Variants in CLSTN2 observed in about 807,000 individuals in gnomAD.
CLSTN2 encodes calsyntenin 2.
Under a neutral mutation model 101.2 loss-of-function variants are expected in CLSTN2, and 48 were observed. The ratio of observed to expected loss-of-function variants is 0.47; its 90% CI spans 0.38 to 0.60. The LOEUF (loss-of-function observed/expected upper bound fraction) is 0.60. Ranked by LOEUF, CLSTN2 falls within the 20% of genes least tolerant of loss-of-function variation. CLSTN2 has a pLI of 0.00. For synonymous variants in CLSTN2, 481 were observed against 463.6 expected (o/e 1.04, Z -0.48); for missense variants, 1,160 against 1,238.2 (o/e 0.94, Z 0.95).
intron 2 of CLSTN2, among the ~76,000 whole-genome samples, chr3:140,303,748 G>T (rs900454428): frequency 3.6e-4 from 55 of 152,046 alleles, no homozygotes; most frequent in African/African-American, 1.0e-3. Context: ...TAACACAGGG[G>T]CTCTAGAGGA....
intron 1 of CLSTN2, among the ~76,000 whole-genome samples, chr3:140,173,967 G>A (rs1337633578): frequency 6.6e-6 from 1 of 152,108 alleles, no homozygotes; most frequent in African/African-American, 2.4e-5. Flanking sequence ...ATTGTCTTGG[G>A]GATTAACATT....
chr3:140,432,501 G>A (rs954597664), intron 5 of CLSTN2, among the ~76,000 whole-genome samples: 3 of 152,186 alleles, frequency 2.0e-5, no homozygotes, highest in Non-Finnish European at 4.4e-5. Context: ...GCTGCTAAGG[G>A]GATTGCTCAG....
intron 2 of CLSTN2, among the ~76,000 whole-genome samples, chr3:140,370,880 G>A (rs1437722251): frequency 6.7e-6 from 1 of 150,216 alleles, no homozygotes; most frequent in African/African-American, 2.5e-5. Flanking sequence ...CCCTAGCACC[G>A]GCCCCACCCA....
rs114806243 is a variant in CLSTN2 at position 140,289,370 on chromosome 3, G to A, written c.232+113297G>A. On this transcript the variant is annotated intron_variant, in intron 2 of 16. Coordinates refer to ENST00000458420, the MANE Select transcript of CLSTN2 (RefSeq NM_022131.3). The stretch of plus-strand genomic sequence containing the variant: ...TGTTTGTTTGTTTTTGCAGGGGGGC[G>A]GGGAGAGGAGCTGTATTCCCTGCAA... 9.4e-4 allele frequency among the ~76,000 whole-genome samples: 143 copies of A among 151,870 alleles called. 2 individuals carry two copies. Among genetic ancestry groups the A allele is most frequent in the African/African-American group, 3.1e-3 (130 of 41,440 alleles).
At chr3:140,273,302 A>G (rs914226911) in intron 2 of CLSTN2, among the ~76,000 whole-genome samples, 5 of 152,150 alleles carry the variant, frequency 3.3e-5, no homozygotes, top group Non-Finnish European at 7.3e-5. Flanking sequence ...TAGTTGCAGC[A>G]AACCACCATG....
At chr3:140,205,682 G>A (rs561478112) in intron 2 of CLSTN2, among the ~76,000 whole-genome samples, 136 of 143,246 alleles carry the variant, frequency 9.5e-4, no homozygotes, top group South Asian at 6.7e-3. Context: ...GTCTTGTATA[G>A]TTAATGAGCT....
rs182791056 is a variant in CLSTN2, at chr3:140,534,719, A to G, written c.1507+2233A>G. Among the ~76,000 whole-genome samples, 12 of 152,338 alleles carry G rather than the reference A, an allele frequency of 7.9e-5. No individual in the cohort carries two copies. In the East Asian group the frequency reaches 2.3e-3, roughly 29 times the overall value. On this transcript the variant is annotated intron_variant, in intron 9 of 16. Transcript: ENST00000458420. ...TGCCAATAATTTTTATTCATATTTT[A>G]TTGGCCAAAGCAAGTCAGAAGGCCA...
intron 1 of CLSTN2, among the ~76,000 whole-genome samples, chr3:140,170,828 C>T (rs2010199695): frequency 6.6e-6 from 1 of 152,200 alleles, no homozygotes; most frequent in African/African-American, 2.4e-5. Context: ...TAAGTGGCAT[C>T]ACCATCAGCA....
chr3:140,228,039 A>T (rs546633586), intron 2 of CLSTN2, among the ~76,000 whole-genome samples: 1 of 152,198 alleles, frequency 6.6e-6, no homozygotes, highest in East Asian at 1.9e-4. Flanking sequence ...GGGGATTAAC[A>T]TTTGTCTCCT....
chr3:139,964,571 G>C (rs148379624), intron 1 of CLSTN2, among the ~76,000 whole-genome samples: 195 of 152,212 alleles, frequency 1.3e-3, no homozygotes, highest in African/African-American at 4.4e-3. Flanking sequence ...TGGCAGGGGG[G>C]TCAAGGGGCC....
intron 1 of CLSTN2, among the ~76,000 whole-genome samples, chr3:139,993,446 C>A (rs1046206213): frequency 2.0e-5 from 3 of 152,166 alleles, no homozygotes; most frequent in Non-Finnish European, 4.4e-5. Flanking sequence ...CTGGAGTCTG[C>A]AAGGAAGAGG....
chr3:140,403,444 G>T (rs1455181858), intron 2 of CLSTN2, among the ~76,000 whole-genome samples, 185 bp from the exon 3 acceptor site: 2 of 152,192 alleles, frequency 1.3e-5, no homozygotes, highest in African/African-American at 4.8e-5. Context: ...TCTGGGTGGG[G>T]CCTGGGATTC....
intron 8 of CLSTN2, among the ~76,000 whole-genome samples, chr3:140,479,550 G>C (rs999095654): frequency 2.0e-5 from 3 of 152,018 alleles, no homozygotes; most frequent in African/African-American, 7.3e-5. Context: ...GGAATTAGAA[G>C]AAAATAACTT....
chr3:139,956,027 T>G (rs1349609154), intron 1 of CLSTN2, among the ~76,000 whole-genome samples: 1 of 152,170 alleles, frequency 6.6e-6, no homozygotes, highest in African/African-American at 2.4e-5. Flanking sequence ...GGAGCCAGCC[T>G]CTTCTGGAGA....
At chr3:140,085,621 T>C (rs978928331) in intron 1 of CLSTN2, among the ~76,000 whole-genome samples, 3 of 152,096 alleles carry the variant, frequency 2.0e-5, no homozygotes, top group African/African-American at 7.2e-5. Flanking sequence ...CTGGAGTCCA[T>C]CTGGTGAGAC....
At chr3:140,249,134 G>A (rs990715468) in intron 2 of CLSTN2, among the ~76,000 whole-genome samples, 1 of 152,144 alleles carries the variant, frequency 6.6e-6, no homozygotes, top group Non-Finnish European at 1.5e-5. Flanking sequence ...GAGAGTCTGA[G>A]ACACCAGCCA....
intron 2 of CLSTN2, among the ~76,000 whole-genome samples, chr3:140,193,261 GT>G (rs367933711): frequency 0.2 from 17,064 of 87,464 alleles, 367 homozygotes; most frequent in Non-Finnish European, 0.23. Context: ...CTTTTTTATA[GT>G]TTTTTTTTTT....
At chr3:140,386,489 C>G (rs1431211658) in intron 2 of CLSTN2, among the ~76,000 whole-genome samples, 2 of 152,208 alleles carry the variant, frequency 1.3e-5, no homozygotes, top group African/African-American at 4.8e-5. Context: ...CTCTCTCACA[C>G]TATCTCATCA....
intron 1 of CLSTN2, among the ~76,000 whole-genome samples, chr3:140,145,117 G>A (rs2009761914): frequency 2.0e-5 from 3 of 152,204 alleles, no homozygotes; most frequent in Non-Finnish European, 4.4e-5. Context: ...AAAATCCTCT[G>A]TAAATGGCCT....
Sources: gnomAD v4.1 joint callset for allele counts (sites outside exome capture counted in the v4.1 genomes callset) on GRCh38, gnomAD v4.1.1 for gene constraint, MANE v1.5 for transcripts, NCBI Gene and HGNC (gene_info 2026-07-23, HGNC 2026-07-21) for gene names.